TENM3: variants seen among roughly 807,000 people sequenced by gnomAD.
TENM3 encodes teneurin transmembrane protein 3.
Under a neutral mutation model 255.1 loss-of-function variants are expected in TENM3, and 63 were observed. That is an observed-to-expected ratio of 0.25 (90% confidence interval 0.20 to 0.30). The LOEUF is 0.30. Ranked by LOEUF, TENM3 falls within the 10% of genes least tolerant of loss-of-function variation. The pLI, the probability that TENM3 is intolerant of heterozygous loss-of-function variation, is 1.00. For synonymous variants in TENM3, 1,306 were observed against 1,322.3 expected (o/e 0.99, Z 0.27); for missense variants, 2,929 against 3,461.1 (o/e 0.85, Z 3.86).
At chr4:181,814,103 G>A in the TENM3 span, among the ~76,000 whole-genome samples, 1 of 152,114 alleles carries the variant, frequency 6.6e-6, no homozygotes, top group Non-Finnish European at 1.5e-5. Context: ...AGGCTTTAGA[G>A]AAGGTTAAGA....
In TENM3 at chr4:182,688,243, C is replaced by G; in HGVS notation, c.2113C>G (p.Pro705Ala). The change falls in exon 12 of 28, where the codon CCA (proline) becomes GCA (alanine). Residue 705 changes from proline (P) to alanine (A), a missense_variant. Around this residue, in one of 6 missense-constraint regions of TENM3, gnomAD observed 1,608 missense variants for 1,884.4 expected, o/e 0.85. Coordinates refer to ENST00000511685, the MANE Select transcript of TENM3 (RefSeq NM_001080477.4). ...TCGCTGTGAAGAAGGCTGGACGGGC[C>G]CAGCCTGTAATCAGAGAGCCTGCCA... ...TCRCEEGWTG[P>A]ACNQRACHPR... The G allele has an allele frequency of 6.2e-7, 1 of 1,613,918 alleles. No individual in the cohort carries two copies. The highest frequency in any genetic ancestry group is 8.5e-7 in the Non-Finnish European group (1 of 1,179,864).
chr4:181,624,356 A>G, the TENM3 span, among the ~76,000 whole-genome samples: 2 of 152,350 alleles, frequency 1.3e-5, no homozygotes. Context: ...TCAAATTTCA[A>G]TGGCCGAAGT....
intron 3 of TENM3, among the ~76,000 whole-genome samples, chr4:182,434,714 A>T (rs952418135): frequency 3.3e-5 from 5 of 152,026 alleles, no homozygotes; most frequent in African/African-American, 4.8e-5. Flanking sequence ...AGCTTATCAA[A>T]TTGCACCCCA....
the TENM3 span, among the ~76,000 whole-genome samples, chr4:181,823,341 G>C: frequency 6.6e-6 from 1 of 152,050 alleles, no homozygotes; most frequent in Non-Finnish European, 1.5e-5. Context: ...TCCCCTGCTT[G>C]TTGTTATTTT....
intron 3 of TENM3, among the ~76,000 whole-genome samples, chr4:182,507,947 G>C (rs1207400296): frequency 6.6e-6 from 1 of 152,108 alleles, no homozygotes; most frequent in African/African-American, 2.4e-5. Context: ...ATAGAGATTT[G>C]TGCTTTCATG....
chr4:182,448,953 A>G (rs1358714304), intron 3 of TENM3: 1 of 392,224 alleles, frequency 2.5e-6, no homozygotes, highest in Non-Finnish European at 5.1e-6. Context: ...GCCTCAGCCT[A>G]TCATGTCTGG....
chr4:182,252,964 T>C (rs1185867650), intron 1 of TENM3, among the ~76,000 whole-genome samples: 4 of 152,194 alleles, frequency 2.6e-5, no homozygotes. Context: ...CCCAGGCCTC[T>C]CTGTATCAAA....
the TENM3 span, among the ~76,000 whole-genome samples, chr4:182,073,106 G>T: frequency 3.9e-5 from 6 of 152,326 alleles, no homozygotes; most frequent in African/African-American, 1.4e-4. Flanking sequence ...TCACAGTTCT[G>T]CATGGCTGGA....
intron 7 of TENM3, among the ~76,000 whole-genome samples, chr4:182,675,920 T>G (rs1173242193): frequency 3.3e-5 from 5 of 152,346 alleles, no homozygotes; most frequent in South Asian, 2.1e-4. Context: ...TGTGATATCC[T>G]CTTTTCTTTT....
chr4:182,092,255 CACTTGA>C, the TENM3 span, among the ~76,000 whole-genome samples: 1 of 152,128 alleles, frequency 6.6e-6, no homozygotes, highest in Non-Finnish European at 1.5e-5. Context: ...GTGGGAGAAT[CACTTGA>C]ACCTGGGAGG....
intron 6 of TENM3, among the ~76,000 whole-genome samples, chr4:182,660,223 G>C (rs1047965961): frequency 6.6e-6 from 1 of 152,148 alleles, no homozygotes; most frequent in Non-Finnish European, 1.5e-5. Flanking sequence ...CAAGCTCTTG[G>C]CACAGTTCTG....
chr4:181,963,962 T>C, the TENM3 span, among the ~76,000 whole-genome samples: 1 of 152,132 alleles, frequency 6.6e-6, no homozygotes, highest in African/African-American at 2.4e-5. Flanking sequence ...TGGGATGTTT[T>C]ATACTTGATG....
intron 1 of TENM3, among the ~76,000 whole-genome samples, chr4:182,265,890 TAAAATA>T (rs1759212924): frequency 6.6e-6 from 1 of 152,214 alleles, no homozygotes; most frequent in Non-Finnish European, 1.5e-5. Flanking sequence ...AAATTATTGA[TAAAATA>T]AAAACATTTA....
At chr4:182,723,459 T>C (rs990989386) in intron 13 of TENM3, among the ~76,000 whole-genome samples, 4 of 152,212 alleles carry the variant, frequency 2.6e-5, no homozygotes, top group Non-Finnish European at 5.9e-5. Flanking sequence ...ACAGTGGGTA[T>C]CAATTATCTT....
At chr4:182,726,242 G>C (rs1399300466) in intron 13 of TENM3, among the ~76,000 whole-genome samples, 2 of 152,122 alleles carry the variant, frequency 1.3e-5, no homozygotes, top group Admixed American at 6.5e-5. Context: ...ATAGTGAAGA[G>C]ATTTTTAGTT....
At chr4:181,495,798 T>C in the TENM3 span, among the ~76,000 whole-genome samples, 1 of 150,870 alleles carries the variant, frequency 6.6e-6, no homozygotes, top group Admixed American at 6.6e-5. Context: ...GAATTTTTTG[T>C]TTAAAATATA....
At chr4:182,676,577 G>T (rs1755678007) in intron 7 of TENM3, among the ~76,000 whole-genome samples, 1 of 152,166 alleles carries the variant, frequency 6.6e-6, no homozygotes, top group African/African-American at 2.4e-5. Context: ...TAGATTCTAA[G>T]AACTCATCGT....
chr4:181,544,422 A>C, the TENM3 span, among the ~76,000 whole-genome samples: 3 of 146,792 alleles, frequency 2.0e-5, no homozygotes, highest in Non-Finnish European at 4.5e-5. Flanking sequence ...AAAAAAAAAA[A>C]AAAAAAAAAA....
chr4:182,267,520 T>C (rs1759318037), intron 1 of TENM3, among the ~76,000 whole-genome samples: 1 of 152,032 alleles, frequency 6.6e-6, no homozygotes, highest in Non-Finnish European at 1.5e-5. Flanking sequence ...CTGTACAGGG[T>C]TTCTAGCCTG....
Sources: gnomAD v4.1 joint callset for allele counts (sites outside exome capture counted in the v4.1 genomes callset) on GRCh38, gnomAD v4.1.1 for gene constraint, gnomAD v4.1.1 regional missense constraint, MANE v1.5 for transcripts, NCBI Gene and HGNC (gene_info 2026-07-23, HGNC 2026-07-21) for gene names.